Variants in RAB11FIP4 observed in about 807,000 individuals in gnomAD.
The protein encoded by RAB11FIP4 is RAB11 family interacting protein 4.
In RAB11FIP4, 23 loss-of-function variants were observed where a neutral mutation model predicts 74.3. The ratio of observed to expected loss-of-function variants is 0.31; its 90% CI spans 0.22 to 0.44. The LOEUF is 0.44. RAB11FIP4 is among the 20% of genes least tolerant of loss of function. RAB11FIP4 has a pLI of 1.00. For missense variants in RAB11FIP4, 630 were observed against 863.9 expected, an observed-to-expected ratio of 0.73 and a Z score of 3.39; for synonymous variants, 360 against 359.9, an observed-to-expected ratio of 1.00 and a Z score of 0.00.
chr17:31,469,538 G>A (rs1033405243), intron 3 of RAB11FIP4, among the ~76,000 whole-genome samples: 1 of 150,744 alleles, frequency 6.6e-6, no homozygotes, highest in Admixed American at 6.6e-5. Context: ...GAGGCAGGAG[G>A]ATCACTTGAG....
intron 7 of RAB11FIP4, chr17:31,522,805 C>T (rs555340441): frequency 1.5e-4 from 30 of 203,404 alleles, no homozygotes; most frequent in African/African-American, 5.6e-4. Context: ...CACTTTGCTC[C>T]GATTAAGTCC....
chr17:31,496,347 T>A (rs1468625837), intron 3 of RAB11FIP4, among the ~76,000 whole-genome samples: 1 of 152,196 alleles, frequency 6.6e-6, no homozygotes, highest in Non-Finnish European at 1.5e-5. Flanking sequence ...TTGTCATGGC[T>A]GTGTGCAAGG....
Position 31,523,528 on chromosome 17 carries a change from A to G in RAB11FIP4, c.946A>G (p.Ser316Gly), listed in dbSNP as rs1475533064. ...TAFGRQLMHS[S>G]NFSSSNGSTE... ...CCCCTGCAGGCAGCTCATGCACAGC[A>G]GCAACTTCAGCAGCAGCAATGGCAG... Residue 316 changes from serine (S) to glycine (G), a missense_variant, in exon 8 of 15, where the codon AGC becomes GGC. Coordinates refer to ENST00000621161, the MANE Select transcript of RAB11FIP4 (RefSeq NM_032932.6). 1 of 1,613,952 alleles carries G rather than the reference A, an allele frequency of 6.2e-7. No individual in the cohort carries two copies. Among genetic ancestry groups the G allele is most frequent in the Non-Finnish European group, 8.5e-7 (1 of 1,179,984 alleles).
At chr17:31,472,086 C>T (rs528870286) in intron 3 of RAB11FIP4, among the ~76,000 whole-genome samples, 4 of 151,704 alleles carry the variant, frequency 2.6e-5, no homozygotes, top group East Asian at 2.0e-4. Context: ...AGCTTGAACC[C>T]GGGAGGCGGA....
At chr17:31,458,667 TG>T (rs1486996354) in intron 3 of RAB11FIP4, among the ~76,000 whole-genome samples, 1 of 152,324 alleles carries the variant, frequency 6.6e-6, no homozygotes, top group African/African-American at 2.4e-5. Flanking sequence ...AATGCTCATG[TG>T]CACCTCTGGG....
chr17:31,438,605 G>A (rs1343169746), intron 3 of RAB11FIP4, among the ~76,000 whole-genome samples: 4 of 151,950 alleles, frequency 2.6e-5, no homozygotes, highest in South Asian at 4.2e-4. Context: ...CCTGGGACCC[G>A]TCCTTACCAA....
intron 3 of RAB11FIP4, among the ~76,000 whole-genome samples, chr17:31,504,194 G>A (rs900886900): frequency 2.1e-4 from 30 of 146,070 alleles, no homozygotes; most frequent in Non-Finnish European, 3.8e-4. Flanking sequence ...GCAGTGGCGC[G>A]ACCTCGGCTC....
At chr17:31,521,516 CG>C (rs1269483663) in intron 5 of RAB11FIP4, among the ~76,000 whole-genome samples, 156 bp downstream of exon 5, 1 of 151,960 alleles carries the variant, frequency 6.6e-6, no homozygotes, top group Non-Finnish European at 1.5e-5. Context: ...TTGCTACCTT[CG>C]CACCCTGATT....
chr17:31,499,244 A>G (rs1032547975), intron 3 of RAB11FIP4, among the ~76,000 whole-genome samples: 1 of 152,160 alleles, frequency 6.6e-6, no homozygotes, highest in African/African-American at 2.4e-5. Flanking sequence ...CATGGCCCCA[A>G]CTTTTTGTGT....
At chr17:31,432,381 G>A (rs2151627978) in intron 2 of RAB11FIP4, among the ~76,000 whole-genome samples, 1 of 150,240 alleles carries the variant, frequency 6.7e-6, no homozygotes, top group South Asian at 2.1e-4. Context: ...TTTGAGACAG[G>A]GTCTGGCTTT....
chr17:31,435,314 C>T (rs1190909085), intron 3 of RAB11FIP4, among the ~76,000 whole-genome samples: 1 of 152,170 alleles, frequency 6.6e-6, no homozygotes, highest in Non-Finnish European at 1.5e-5. Flanking sequence ...TGACCAACCC[C>T]ATCCTGAAGC....
chr17:31,426,189 G>T (rs1315680093), intron 1 of RAB11FIP4, among the ~76,000 whole-genome samples: 2 of 152,152 alleles, frequency 1.3e-5, no homozygotes, highest in South Asian at 2.1e-4. Context: ...TCTGGCCCAG[G>T]AAGGCAACAG....
chr17:31,476,903 T>A (rs1197470805), intron 3 of RAB11FIP4, among the ~76,000 whole-genome samples: 1 of 152,212 alleles, frequency 6.6e-6, no homozygotes, highest in Non-Finnish European at 1.5e-5. Context: ...AGGAGGCATC[T>A]GTGACTGAGC....
chr17:31,522,185 G>A (rs946103449), intron 6 of RAB11FIP4, 136 bp downstream of exon 6: 3 of 1,325,978 alleles, frequency 2.3e-6, no homozygotes, highest in Non-Finnish European at 3.2e-6. Flanking sequence ...TGATCCAGGG[G>A]CTTTTTCTGC....
chr17:31,396,453 G>C (rs1175145445), intron 1 of RAB11FIP4, among the ~76,000 whole-genome samples: 1 of 152,224 alleles, frequency 6.6e-6, no homozygotes, highest in Non-Finnish European at 1.5e-5. Flanking sequence ...TGGGGTTTGA[G>C]TGAGTTAATA....
chr17:31,430,190 T>C (rs911138226), intron 1 of RAB11FIP4, among the ~76,000 whole-genome samples: 2 of 151,960 alleles, frequency 1.3e-5, no homozygotes, highest in African/African-American at 4.8e-5. Context: ...GGGAATAGCA[T>C]GTGCAAAGGC....
intron 3 of RAB11FIP4, among the ~76,000 whole-genome samples, chr17:31,455,415 A>C (rs2071569834): frequency 6.6e-6 from 1 of 152,158 alleles, no homozygotes; most frequent in Non-Finnish European, 1.5e-5. Flanking sequence ...TTTATGCCCT[A>C]CTTTCAGGCA....
intron 3 of RAB11FIP4, among the ~76,000 whole-genome samples, chr17:31,480,981 T>C (rs1389512879): frequency 6.6e-6 from 1 of 152,172 alleles, no homozygotes; most frequent in Admixed American, 6.5e-5. Context: ...GACTTGGTAC[T>C]GATCAAGGCT....
chr17:31,411,200 A>G (rs1256424178), intron 1 of RAB11FIP4, among the ~76,000 whole-genome samples: 1 of 152,226 alleles, frequency 6.6e-6, no homozygotes, highest in East Asian at 1.9e-4. Context: ...CGTCTCTACT[A>G]AAAATACAAA....
Sources: gnomAD v4.1 joint callset for allele counts (sites outside exome capture counted in the v4.1 genomes callset) on GRCh38, gnomAD v4.1.1 for gene constraint, MANE v1.5 for transcripts, NCBI Gene and HGNC (gene_info 2026-07-23, HGNC 2026-07-21) for gene names.